Variants in LARS2 observed in about 807,000 individuals in gnomAD.
The protein encoded by LARS2 is leucine--tRNA ligase, mitochondrial.
A neutral mutation model predicts 116.6 loss-of-function variants in LARS2; 81 were observed. That is an observed-to-expected ratio of 0.69 (90% CI 0.58 to 0.84). The LOEUF is 0.84. Ranked by LOEUF, LARS2 falls within the 40% of genes least tolerant of loss-of-function variation. The pLI is 0.00. For synonymous variants in LARS2, 396 were observed against 407.2 expected, an observed-to-expected ratio of 0.97 and a Z score of 0.33; for missense variants, 968 against 1,114.5, an observed-to-expected ratio of 0.87 and a Z score of 1.87.
chr3:45,526,294 C>T (rs1044505769), intron 20 of LARS2, among the ~76,000 whole-genome samples: 1 of 152,166 alleles, frequency 6.6e-6, no homozygotes, highest in Non-Finnish European at 1.5e-5. Context: ...TTGTTCCTAT[C>T]AAAAGTTCCC....
chr3:45,394,905 T>C (rs1559453969), intron 3 of LARS2, among the ~76,000 whole-genome samples: 1 of 152,122 alleles, frequency 6.6e-6, no homozygotes, highest in East Asian at 1.9e-4. Context: ...GAGGCATAAA[T>C]GAGGTGATAC....
chr3:45,410,218 T>G (rs1269933658), intron 4 of LARS2, among the ~76,000 whole-genome samples: 1 of 152,094 alleles, frequency 6.6e-6, no homozygotes, highest in African/African-American at 2.4e-5. Flanking sequence ...CCAAGGAGAA[T>G]TTAAAGCACA....
At chr3:45,454,468 G>A (rs1357340359) in intron 7 of LARS2, among the ~76,000 whole-genome samples, 2 of 152,156 alleles carry the variant, frequency 1.3e-5, no homozygotes, top group Non-Finnish European at 2.9e-5. Context: ...GTCCAATTCC[G>A]TGATATTCCC....
chr3:45,533,992 T>G (rs879766860), intron 20 of LARS2, among the ~76,000 whole-genome samples: 1 of 152,236 alleles, frequency 6.6e-6, no homozygotes, highest in Non-Finnish European at 1.5e-5. Context: ...TTATTGAGCG[T>G]GTACTATGTG....
chr3:45,403,128 A>AAAAG (rs1553626670), intron 4 of LARS2, among the ~76,000 whole-genome samples: 3 of 151,136 alleles, frequency 2.0e-5, no homozygotes, highest in Non-Finnish European at 4.4e-5. Context: ...AAAAAAAAAA[A>AAAAG]AAAGAAAGAT....
At chr3:45,458,620 G>A in intron 7 of LARS2, 123 bp from the exon 8 acceptor site, 1 of 877,526 alleles carries the variant, frequency 1.1e-6, no homozygotes, top group Non-Finnish European at 1.8e-6. Context: ...CTAGGAGGTG[G>A]AGGTTGCAGT....
intron 4 of LARS2, among the ~76,000 whole-genome samples, chr3:45,405,645 A>C (rs908606432): frequency 6.6e-6 from 1 of 152,210 alleles, no homozygotes; most frequent in African/African-American, 2.4e-5. Flanking sequence ...GCAACCCCAG[A>C]CACCCAATTC....
At chr3:45,456,416 C>T (rs927140699) in intron 7 of LARS2, among the ~76,000 whole-genome samples, 1 of 152,164 alleles carries the variant, frequency 6.6e-6, no homozygotes. Context: ...AACCCTGTCT[C>T]TACTAAAAAT....
intron 3 of LARS2, among the ~76,000 whole-genome samples, chr3:45,395,079 C>T (rs149327667): frequency 2.0e-5 from 3 of 152,268 alleles, no homozygotes; most frequent in African/African-American, 7.2e-5. Context: ...CTTTGTGGTC[C>T]ATTGCATGGT....
chr3:45,491,531 C>T lies in LARS2; in HGVS notation c.1254C>T (p.Thr418=). The T allele has an allele frequency of 1.2e-6, 2 of 1,614,072 alleles. No individual in the cohort carries two copies. The highest frequency in any genetic ancestry group is 1.7e-6 in the Non-Finnish European group (2 of 1,179,986). The part of the protein sequence containing the change: ...LSSSAEFTGM[T]RQDAFLALTQ... ...TTCCCTGTCAGTTCACAGGTATGAC[C>T]CGGCAGGATGCTTTTCTAGCCCTGA... Residue 418 remains threonine, a synonymous_variant, in exon 13 of 22, where the codon ACC becomes ACT. Coordinates refer to ENST00000645846, the MANE Select transcript of LARS2 (RefSeq NM_015340.4).
In LARS2 at chr3:45,400,231, T is replaced by C. The variant is rs1698120123; in HGVS notation, c.235-14T>C. The C allele has an allele frequency of 6.2e-7, 1 of 1,611,322 alleles. No individual in the cohort carries two copies. The highest frequency in any genetic ancestry group is 1.1e-5 in the South Asian group (1 of 90,586). ...GAAAATGCTTAATAAATACTCATTG[T>C]CGTTCTTTCCTAGAAATCGAAGCCA... On this transcript the variant is annotated splice_polypyrimidine_tract_variant and intron_variant, in intron 3 of 21. Coordinates refer to ENST00000645846, the MANE Select transcript of LARS2 (RefSeq NM_015340.4).
intron 3 of LARS2, among the ~76,000 whole-genome samples, chr3:45,398,124 A>G (rs113863772): frequency 5.9e-5 from 9 of 152,224 alleles, no homozygotes; most frequent in African/African-American, 1.7e-4. Flanking sequence ...TCTTTTTCCC[A>G]TCTCTTCCTT....
intron 2 of LARS2, 62 bp downstream of exon 2, chr3:45,391,710 C>A (rs1055179136): frequency 6.6e-6 from 1 of 152,172 alleles, no homozygotes; most frequent in African/African-American, 2.4e-5. Flanking sequence ...ATCTAATCTG[C>A]TCCTGCTTTT....
At chr3:45,504,421 G>A (rs555552716) in intron 15 of LARS2, among the ~76,000 whole-genome samples, 5 of 151,870 alleles carry the variant, frequency 3.3e-5, no homozygotes, top group African/African-American at 4.8e-5. Context: ...ATGCATGCAT[G>A]GATTAAAAGA....
At chr3:45,458,613 G>A (rs1699254483) in intron 7 of LARS2, 130 bp from the exon 8 acceptor site, 2 of 818,134 alleles carry the variant, frequency 2.4e-6, no homozygotes, top group Admixed American at 2.4e-5. Context: ...CAGGAACCTA[G>A]GAGGTGGAGG....
chr3:45,506,855 T>C (rs1226843043), intron 15 of LARS2: 1 of 151,896 alleles, frequency 6.6e-6, no homozygotes, highest in Non-Finnish European at 1.5e-5. Flanking sequence ...GTTGTGGACA[T>C]TTTTTTTCAT....
intron 20 of LARS2, 53 bp from the exon 21 acceptor site, chr3:45,541,776 T>C: frequency 6.2e-7 from 1 of 1,601,834 alleles, no homozygotes; most frequent in Non-Finnish European, 8.5e-7. Flanking sequence ...CCTGCTCTCA[T>C]AAGCCTCCCT....
Position 45,401,058 on chromosome 3 carries a change from A to T in LARS2, c.363+685A>T, listed in dbSNP as rs531414157. Among the ~76,000 whole-genome samples the T allele has an allele frequency of 7.9e-3, 1,205 of 152,198 alleles. 10 individuals are homozygous for T. Among genetic ancestry groups the T allele is most frequent in the Non-Finnish European group, 9.9e-3 (671 of 67,998 alleles). On this transcript the variant is annotated intron_variant, in intron 4 of 21. Coordinates refer to ENST00000645846, the MANE Select transcript of LARS2 (RefSeq NM_015340.4). ...GATTTCCTGGCCTCGTGATCCGCCC[A>T]CCTTGGCCTCCCAAAGTGCTGTGAT...
intron 15 of LARS2, among the ~76,000 whole-genome samples, chr3:45,501,675 TC>T (rs1199535313): frequency 6.6e-6 from 1 of 152,198 alleles, no homozygotes; most frequent in Non-Finnish European, 1.5e-5. Flanking sequence ...CGTCACCATT[TC>T]TTTAAAATGT....
Sources: allele counts gnomAD v4.1 joint callset (sites outside exome capture counted in the v4.1 genomes callset), GRCh38; gene constraint gnomAD v4.1.1; transcripts MANE v1.5; gene names NCBI Gene and HGNC (gene_info 2026-07-23, HGNC 2026-07-21).